SALL3: variants seen among roughly 807,000 people sequenced by gnomAD.
SALL3 encodes the protein sal-like protein 3.
A neutral mutation model predicts 66.2 loss-of-function variants in SALL3; 25 were observed. That is an observed-to-expected ratio of 0.38 (90% CI 0.28 to 0.53). SALL3 has a LOEUF of 0.53. SALL3 is among the 20% of genes least tolerant of loss of function. The pLI is 0.85. For synonymous variants in SALL3, 1,152 were observed against 899.1 expected (o/e 1.28, Z -5.03); for missense variants, 2,194 against 1,916.5 (o/e 1.14, Z -2.70).
In SALL3 at chr18:78,993,588, A is replaced by C. The variant is rs7240860; in HGVS notation, c.1597A>C (p.Thr533Pro). ...PTSVGLQLPP[T>P]VPGAHGYADS... is the part of the protein sequence containing the mutation. ...GTCCGTGGGGCTGCAACTGCCGCCC[A>C]CTGTCCCTGGCGCGCACGGCTACGC... The change falls in exon 2 of 3, where the codon ACT becomes CCT. Residue 533 changes from threonine to proline, a missense_variant. Coordinates refer to ENST00000537592, the MANE Select transcript of SALL3 (RefSeq NM_171999.4). 1.3e-6 allele frequency: 2 copies of C among 1,583,858 alleles called. No individual in the cohort carries two copies. The highest frequency in any genetic ancestry group is 3.5e-5 in the Admixed American group (2 of 57,820).
chr18:78,994,380 G>A lies in SALL3; in HGVS notation c.2389G>A (p.Asp797Asn), dbSNP rs143920432. Reference protein sequence around the residue: ...DKNAETLSSYDDDMDENSMED... With the variant: ...DKNAETLSSYNDDMDENSMED... ...GAACGCGGAGACCCTGAGCAGCTACGATGACGACATGGACGAGAACTCCAT... is the reference window on the plus strand; with the variant it reads ...GAACGCGGAGACCCTGAGCAGCTACAATGACGACATGGACGAGAACTCCAT... Residue 797 changes from aspartate (D) to asparagine (N), a missense_variant, in exon 2 of 3, where the codon GAT becomes AAT. Physicochemically the swap from Asp to Asn is conservative, Grantham distance 23. Transcript: ENST00000537592. 237 of 1,613,336 alleles carry A rather than the reference G, an allele frequency of 1.5e-4. No individual in the cohort carries two copies. In the African/African-American group the frequency reaches 2.5e-3, roughly 17 times the overall value.
Position 78,997,138 on chromosome 18 carries a change from A to C in SALL3, c.3719A>C (p.Gln1240Pro), listed in dbSNP as rs751733981. 9 of 1,613,826 alleles carry C rather than the reference A, an allele frequency of 5.6e-6. No individual in the cohort carries two copies. Among genetic ancestry groups the C allele is most frequent in the Non-Finnish European group, 6.8e-6 (8 of 1,180,026 alleles). The change falls in exon 3 of 3, where the codon CAG (glutamine) becomes CCG (proline). Residue 1240 changes from glutamine (Q) to proline (P), a missense_variant. Coordinates refer to ENST00000537592, the MANE Select transcript of SALL3 (RefSeq NM_171999.4). ...ISVIQNGGIP[Q>P]LPVSLGGSAL... ...GTCATCCAGAACGGCGGCATCCCCCAGCTCCCCGTGAGTCTTGGGGGCAGC... is the reference window on the plus strand; with the variant it reads ...GTCATCCAGAACGGCGGCATCCCCCCGCTCCCCGTGAGTCTTGGGGGCAGC...
chr18:78,984,987 T>TCGG (rs1914196176), intron 1 of SALL3: 1 of 152,244 alleles, frequency 6.6e-6, no homozygotes, highest in East Asian at 1.9e-4. Flanking sequence ...AGCAGCCAGC[T>TCGG]CGGCGCAGAA....
chr18:78,980,727 G>GGCCTCGGCGACCCCGGGGCGAGC (rs575162746), intron 1 of SALL3, among the ~76,000 whole-genome samples: 21,331 of 151,674 alleles, frequency 0.14, 1,603 homozygotes, highest in African/African-American at 0.16. Context: ...CGCTGAGGCC[G>GGCCTCGGCGACCCCGGGGCGAGC]GCGGCGGCGG....
chr18:78,986,962 G>A (rs1914265981), intron 1 of SALL3, among the ~76,000 whole-genome samples: 1 of 151,800 alleles, frequency 6.6e-6, no homozygotes. Context: ...TATTATATAG[G>A]TATACACAGC....
rs749360637 is a variant in SALL3, at chr18:78,992,075, C to T, written c.84C>T (p.Ala28=). Residue 28 remains alanine (A), a splice_region_variant and synonymous_variant, in exon 2 of 3, where the codon GCC becomes GCT. Coordinates refer to ENST00000537592, the MANE Select transcript of SALL3 (RefSeq NM_171999.4). ...LLPPDGAPEH[A]APGEGAEDAD... ...TGACTCACTCTCTTGGTCTTGCAGC[C>T]GCCCCGGGGGAAGGTGCGGAGGACG... 2.7e-6 allele frequency: 4 copies of T among 1,484,136 alleles called. No individual in the cohort carries two copies. The highest frequency in any genetic ancestry group is 4.6e-5 in the Admixed American group (2 of 43,198). The allele number at this position is 1,484,136 out of a possible 1,614,324, so 91.9% of individuals were successfully genotyped here. A position where few individuals can be genotyped will look rare whatever the true frequency, so the allele number is the denominator to read the frequency against.
chr18:78,994,817 C>T lies in SALL3; in HGVS notation c.2826C>T (p.Ala942=), dbSNP rs774567769. 10 of 1,595,356 alleles carry T rather than the reference C, an allele frequency of 6.3e-6. No homozygotes were observed. Among genetic ancestry groups the T allele is most frequent in the East Asian group, 4.5e-5 (2 of 44,164 alleles). The change falls in exon 2 of 3, where the codon GCC becomes GCT. Residue 942 remains alanine, a synonymous_variant. Coordinates refer to ENST00000537592, the MANE Select transcript of SALL3 (RefSeq NM_171999.4). Reference sequence around the variant, plus strand: ...AGACCGAGAGGCCGGACAGCCCAGCCGCCGCCCCGGGCAGCGGAGGCGCCC... The same window carrying T: ...AGACCGAGAGGCCGGACAGCCCAGCTGCCGCCCCGGGCAGCGGAGGCGCCC... ...PLKTERPDSP[A]AAPGSGGAPG...
intron 1 of SALL3, among the ~76,000 whole-genome samples, chr18:78,990,886 C>T (rs1914407061): frequency 6.6e-6 from 1 of 152,240 alleles, no homozygotes; most frequent in Middle Eastern, 3.4e-3. Flanking sequence ...AAGGTAGCAA[C>T]GTTGCTGTAT....
At chr18:78,987,290 A>G (rs1464646654) in intron 1 of SALL3, among the ~76,000 whole-genome samples, 2 of 152,374 alleles carry the variant, frequency 1.3e-5, no homozygotes, top group Non-Finnish European at 2.9e-5. Flanking sequence ...GACCAAAAAC[A>G]GACAGTCTGA....
Position 78,993,866 on chromosome 18 carries a change from C to A in SALL3, c.1875C>A (p.Asp625Glu), listed in dbSNP as rs1277276426. 2 of 1,563,512 alleles carry A rather than the reference C, an allele frequency of 1.3e-6. No homozygotes were observed. The highest frequency in any genetic ancestry group is 2.7e-5 in the African/African-American group (2 of 73,530). ...AQASAAPTSV[D>E]GAPTSLGSPG... ...CTAGCGCTGCACCCACATCGGTGGACGGCGCACCCACGAGCCTCGGCAGCC... is the reference window on the plus strand; with the variant it reads ...CTAGCGCTGCACCCACATCGGTGGAAGGCGCACCCACGAGCCTCGGCAGCC... Residue 625 changes from aspartate to glutamate, a missense_variant, in exon 2 of 3, where the codon GAC becomes GAA. Asp to Glu is a conservative substitution (Grantham distance 45). Coordinates refer to ENST00000537592, the MANE Select transcript of SALL3 (RefSeq NM_171999.4).
At position 78,994,714 on chromosome 18, in the gene SALL3, C is replaced by T. The variant is rs199847316; in HGVS notation, c.2723C>T (p.Ala908Val). The T allele has an allele frequency of 3.1e-6, 5 of 1,604,380 alleles. No homozygotes were observed. The highest frequency in any genetic ancestry group is 1.7e-5 in the Admixed American group (1 of 59,950). The change falls in exon 2 of 3, where the codon GCC (alanine) becomes GTC (valine). Residue 908 changes from alanine (A) to valine (V), a missense_variant. Coordinates refer to ENST00000537592, the MANE Select transcript of SALL3 (RefSeq NM_171999.4). The part of the protein sequence containing the change: ...ESSSSQALSP[A>V]PSNGESFRSK... ...TCGTCCTCGCAGGCCCTGTCGCCGG[C>T]CCCCAGCAATGGTGAGAGCTTCCGC...
rs1390677373 is a variant in SALL3, at chr18:78,998,891, C to A, written c.*1569C>A. On this transcript the variant is annotated 3_prime_UTR_variant, in exon 3 of 3. Coordinates refer to ENST00000537592, the MANE Select transcript of SALL3 (RefSeq NM_171999.4). ...TGGGGCGGCCGAGGCAGCACAAACA[C>A]GGCGTCGTGAACTACCTCATTTTCG... 6.6e-6 allele frequency: 1 copy of A among 152,236 alleles called. No homozygotes were observed. The highest frequency in any genetic ancestry group is 6.5e-5 in the Admixed American group (1 of 15,284). 9.4% of individuals were successfully genotyped at this position (152,236 alleles called of 1,614,324 possible). A position where few individuals can be genotyped will look rare whatever the true frequency, so the allele number is the denominator to read the frequency against.
Position 78,993,943 on chromosome 18 carries a change from G to C in SALL3, c.1952G>C (p.Gly651Ala). The C allele has an allele frequency of 6.2e-7, 1 of 1,609,972 alleles. No individual in the cohort carries two copies. The highest frequency in any genetic ancestry group is 2.2e-5 in the East Asian group (1 of 44,602). ...TTCAAGGCCCAGTTTCCGTTCGGGGGGCTGCTAGACTCGATGCAAACGTCG... is the reference window on the plus strand; with the variant it reads ...TTCAAGGCCCAGTTTCCGTTCGGGGCGCTGCTAGACTCGATGCAAACGTCG... ...EQFKAQFPFG[G>A]LLDSMQTSET... The change falls in exon 2 of 3, where the codon GGG (glycine) becomes GCG (alanine). Residue 651 changes from glycine (G) to alanine (A), a missense_variant. By Grantham distance (60) the Gly-to-Ala change is moderately conservative (BLOSUM62 0). Coordinates refer to ENST00000537592, the MANE Select transcript of SALL3 (RefSeq NM_171999.4).
rs1568294700 is a variant in SALL3, at chr18:78,993,261, T to C, written c.1270T>C (p.Phe424Leu). ...EDPFFKHKCR[F>L]CAKVFGSDSA... ...CCCGTTCTTCAAGCACAAATGCCGC[T>C]TCTGCGCCAAGGTCTTCGGCAGCGA... The change falls in exon 2 of 3, where the codon TTC becomes CTC. Residue 424 changes from phenylalanine (F) to leucine (L), a missense_variant. Phe to Leu is a conservative substitution (Grantham distance 22). Coordinates refer to ENST00000537592, the MANE Select transcript of SALL3 (RefSeq NM_171999.4). The C allele has an allele frequency of 1.9e-6, 3 of 1,610,574 alleles. No individual in the cohort carries two copies. Among genetic ancestry groups the C allele is most frequent in the Non-Finnish European group, 2.5e-6 (3 of 1,179,598 alleles).
chr18:78,983,153 G>GA (rs1049873133), intron 1 of SALL3, among the ~76,000 whole-genome samples: 89 of 152,202 alleles, frequency 5.8e-4, no homozygotes, highest in African/African-American at 2.0e-3. Context: ...AAGTCATTGA[G>GA]ACATTCCTAA....
chr18:78,992,588 T>C lies in SALL3; in HGVS notation c.597T>C (p.Ala199=). 1.3e-6 allele frequency: 2 copies of C among 1,512,458 alleles called. No individual in the cohort carries two copies. Among genetic ancestry groups the C allele is most frequent in the Non-Finnish European group, 1.8e-6 (2 of 1,138,204 alleles). The allele number at this position is 1,512,458 out of a possible 1,614,324, so 93.7% of individuals were successfully genotyped here. A position where few individuals can be genotyped will look rare whatever the true frequency, so the allele number is the denominator to read the frequency against. ...CGGGAGCAGGTGGAGGCGTGGCAGC[T>C]GCAGCCGTGCCCCTGATCCTGGAAC... The part of the protein sequence containing the change: ...GGSGAGGGVA[A]AAVPLILEQL... The change falls in exon 2 of 3, where the codon GCT becomes GCC. Residue 199 remains alanine (A), a synonymous_variant. Transcript: ENST00000537592.
rs1187862094 is a variant in SALL3, at chr18:78,994,166, C to T, written c.2175C>T (p.His725=). 1.2e-6 allele frequency: 2 copies of T among 1,613,230 alleles called. No homozygotes were observed. Among genetic ancestry groups the T allele is most frequent in the Non-Finnish European group, 8.5e-7 (1 of 1,179,994 alleles). Residue 725 remains histidine (H), a synonymous_variant, in exon 2 of 3, where the codon CAC becomes CAT. Transcript: ENST00000537592. ...CCACCAAGGGCAACCTCAAGACGCA[C>T]TTCGGCGTGCACCGTGCAAAGCCGC... ...AFTTKGNLKT[H]FGVHRAKPPL...
Position 78,993,147 on chromosome 18 carries a change from G to T in SALL3, c.1156G>T (p.Ala386Ser). Residue 386 changes from alanine (A) to serine (S), a missense_variant, in exon 2 of 3, where the codon GCT becomes TCT. Coordinates refer to ENST00000537592, the MANE Select transcript of SALL3 (RefSeq NM_171999.4). ...GGTCAGCATCGCGGCCACGGCCAACGCTCTGGACCCGCTGTCCGCGCTCAT... is the reference window on the plus strand; with the variant it reads ...GGTCAGCATCGCGGCCACGGCCAACTCTCTGGACCCGCTGTCCGCGCTCAT... ...PLVSIAATAN[A>S]LDPLSALMKH... is the part of the protein sequence containing the mutation. 6.2e-7 allele frequency: 1 copy of T among 1,606,246 alleles called. No individual in the cohort carries two copies. Among genetic ancestry groups the T allele is most frequent in the Non-Finnish European group, 8.5e-7 (1 of 1,177,642 alleles).
Position 78,992,779 on chromosome 18 carries a change from C to T in SALL3, c.788C>T (p.Ala263Val). 1 of 1,012,946 alleles carries T rather than the reference C, an allele frequency of 9.9e-7. No homozygotes were observed. Among genetic ancestry groups the T allele is most frequent in the Non-Finnish European group, 1.2e-6 (1 of 848,868 alleles). 62.7% of individuals were successfully genotyped at this position (1,012,946 alleles called of 1,614,324 possible). A position where few individuals can be genotyped will look rare whatever the true frequency, so the allele number is the denominator to read the frequency against. The change falls in exon 2 of 3, where the codon GCG (alanine) becomes GTG (valine). Residue 263 changes from alanine (A) to valine (V), a missense_variant. Physicochemically the swap from Ala to Val is moderately conservative, Grantham distance 64 (BLOSUM62 0). Coordinates refer to ENST00000537592, the MANE Select transcript of SALL3 (RefSeq NM_171999.4). ...PAPSQLPGLA[A>V]LPLSAGAPAA... Reference sequence around the variant, plus strand: ...CCCAGCCAGCTGCCCGGGCTGGCCGCGCTCCCGCTGTCGGCCGGGGCCCCT... The same window carrying T: ...CCCAGCCAGCTGCCCGGGCTGGCCGTGCTCCCGCTGTCGGCCGGGGCCCCT...
Sources: allele counts gnomAD v4.1 joint callset (sites outside exome capture counted in the v4.1 genomes callset), GRCh38; gene constraint gnomAD v4.1.1; transcripts MANE v1.5; gene names NCBI Gene and HGNC (gene_info 2026-07-23, HGNC 2026-07-21).